Variants in SORCS1 observed in about 807,000 individuals in gnomAD.
SORCS1 encodes sortilin related VPS10 domain containing receptor 1.
A neutral mutation model predicts 146.1 loss-of-function variants in SORCS1; 60 were observed. That is an observed-to-expected ratio of 0.41 (90% CI 0.33 to 0.51). The LOEUF (loss-of-function observed/expected upper bound fraction) is 0.51, where lower values mean the gene tolerates loss of function less well. SORCS1 is among the 20% of genes least tolerant of loss of function. The probability of loss-of-function intolerance (pLI) is 0.21; values close to 1 mark genes in which losing one functional copy is unlikely to be tolerated. For synonymous variants in SORCS1, 637 were observed against 584.0 expected, an observed-to-expected ratio of 1.09 and a Z score of -1.31; for missense variants, 1,352 against 1,487.6, an observed-to-expected ratio of 0.91 and a Z score of 1.50.
intron 3 of SORCS1, among the ~76,000 whole-genome samples, chr10:106,820,663 A>G (rs1024471549): frequency 6.6e-6 from 1 of 152,244 alleles, no homozygotes; most frequent in African/African-American, 2.4e-5. Context: ...GGAGTGAAAC[A>G]TCTCCACCCT....
intron 19 of SORCS1, among the ~76,000 whole-genome samples, chr10:106,628,380 T>C (rs149057633): frequency 6.6e-6 from 1 of 152,332 alleles, no homozygotes; most frequent in East Asian, 1.9e-4. Flanking sequence ...CTTGAGGCTC[T>C]TGGACTAAAA....
chr10:106,932,452 G>A (rs1953468659), intron 2 of SORCS1, among the ~76,000 whole-genome samples: 1 of 152,090 alleles, frequency 6.6e-6, no homozygotes, highest in African/African-American at 2.4e-5. Context: ...TGTCACTGGT[G>A]ACAAAGAAAA....
At chr10:107,069,500 C>T (rs566498461) in intron 1 of SORCS1, among the ~76,000 whole-genome samples, 4 of 152,066 alleles carry the variant, frequency 2.6e-5, no homozygotes, top group South Asian at 2.1e-4. Context: ...CTCAGCCTCC[C>T]GAGTAGCTGG....
At chr10:106,604,815 T>C (rs1019448030) in intron 23 of SORCS1, among the ~76,000 whole-genome samples, 3 of 152,192 alleles carry the variant, frequency 2.0e-5, no homozygotes, top group African/African-American at 4.8e-5. Flanking sequence ...CTTCTTACCA[T>C]ATAATGAACA....
intron 1 of SORCS1, among the ~76,000 whole-genome samples, chr10:107,022,378 G>C (rs1278416800): frequency 6.6e-6 from 1 of 152,182 alleles, no homozygotes; most frequent in African/African-American, 2.4e-5. Flanking sequence ...AGTGGCAGCT[G>C]TAAAGGACAA....
chr10:106,850,232 A>C (rs1949499540), intron 2 of SORCS1, among the ~76,000 whole-genome samples: 1 of 151,624 alleles, frequency 6.6e-6, no homozygotes, highest in Admixed American at 6.6e-5. Context: ...GCTAGCAATC[A>C]GCGAGACTCC....
intron 1 of SORCS1, among the ~76,000 whole-genome samples, chr10:107,028,030 C>T (rs1042252511): frequency 2.0e-5 from 3 of 152,154 alleles, no homozygotes; most frequent in African/African-American, 7.2e-5. Context: ...GTTATTTTAT[C>T]AAAGAAAGAA....
chr10:107,093,961 C>T (rs576466146), intron 1 of SORCS1, among the ~76,000 whole-genome samples: 78 of 152,276 alleles, frequency 5.1e-4, no homozygotes, highest in Non-Finnish European at 1.0e-3. Flanking sequence ...CGCTATCCCC[C>T]AGAAGCACAC....
intron 1 of SORCS1, among the ~76,000 whole-genome samples, chr10:107,136,195 A>G (rs565769921): frequency 6.6e-6 from 1 of 152,224 alleles, no homozygotes; most frequent in Non-Finnish European, 1.5e-5. Context: ...TGAGAAATCC[A>G]TTTACGCAAA....
intron 3 of SORCS1, among the ~76,000 whole-genome samples, chr10:106,795,271 T>C (rs1946500974): frequency 6.6e-6 from 1 of 152,202 alleles, no homozygotes; most frequent in Admixed American, 6.5e-5. Context: ...TTCAAAGATA[T>C]AATCTAGTTG....
At chr10:106,977,469 A>G (rs771380489) in intron 1 of SORCS1, among the ~76,000 whole-genome samples, 12 of 151,904 alleles carry the variant, frequency 7.9e-5, no homozygotes, top group Non-Finnish European at 1.6e-4. Context: ...ATTTTCTCCC[A>G]TTCTTAGGTT....
chr10:107,100,046 A>C (rs10787009), intron 1 of SORCS1, among the ~76,000 whole-genome samples: 44,786 of 152,148 alleles, frequency 0.29, 7,069 homozygotes, highest in Middle Eastern at 0.45. Flanking sequence ...AGAAGCTGCA[A>C]TCTTTCTGGG....
intron 2 of SORCS1, among the ~76,000 whole-genome samples, chr10:106,888,193 T>C (rs1175143847): frequency 6.6e-6 from 1 of 152,174 alleles, no homozygotes; most frequent in Non-Finnish European, 1.5e-5. Flanking sequence ...TAATAGTTTA[T>C]AGAATAAATG....
At chr10:106,810,028 C>T (rs1471702597) in intron 3 of SORCS1, among the ~76,000 whole-genome samples, 1 of 152,172 alleles carries the variant, frequency 6.6e-6, no homozygotes, top group Non-Finnish European at 1.5e-5. Context: ...CAAGACCAGC[C>T]TGGCCAACAT....
At chr10:106,867,632 T>A (rs772079977) in intron 2 of SORCS1, among the ~76,000 whole-genome samples, 3 of 152,188 alleles carry the variant, frequency 2.0e-5, no homozygotes, top group Non-Finnish European at 4.4e-5. Flanking sequence ...AGATTTCATA[T>A]CTGGCCCAAC....
chr10:107,130,000 G>A (rs651804), intron 1 of SORCS1, among the ~76,000 whole-genome samples: 46,711 of 152,064 alleles, frequency 0.31, 9,846 homozygotes, highest in African/African-American at 0.6. Flanking sequence ...GAGCAGACTT[G>A]ATAATGTCTT....
At chr10:106,872,837 G>C (rs1411411897) in intron 2 of SORCS1, among the ~76,000 whole-genome samples, 2 of 152,020 alleles carry the variant, frequency 1.3e-5, no homozygotes, top group Non-Finnish European at 2.9e-5. Flanking sequence ...AAAGAAAAAA[G>C]AAAATAATGG....
Position 106,776,901 on chromosome 10 carries a change from G to A in SORCS1, c.727-209C>T, listed in dbSNP as rs1050222579. Among the ~76,000 whole-genome samples, 25 of 152,280 alleles carry A rather than the reference G, an allele frequency of 1.6e-4. No individual in the cohort carries two copies. The East Asian group carries it at 4.6e-3, about 28-fold the overall frequency. ...TTCTACAAAGAAATGAAGGGAGTAG[G>A]AGAAGCTGGAAGAACGAGGGATGAA... On this transcript the variant is annotated intron_variant, in intron 3 of 25. Coordinates refer to ENST00000263054, the MANE Select transcript of SORCS1 (RefSeq NM_052918.5).
chr10:107,137,050 G>A (rs1967360856), intron 1 of SORCS1, among the ~76,000 whole-genome samples: 1 of 152,184 alleles, frequency 6.6e-6, no homozygotes, highest in Non-Finnish European at 1.5e-5. Context: ...AAGAATCTGG[G>A]GCTCTGTGGT....
Sources: gnomAD v4.1 joint callset for allele counts (sites outside exome capture counted in the v4.1 genomes callset) on GRCh38, gnomAD v4.1.1 for gene constraint, MANE v1.5 for transcripts, NCBI Gene and HGNC (gene_info 2026-07-23, HGNC 2026-07-21) for gene names.